Variants in MTR observed in about 807,000 individuals in gnomAD.
MTR encodes 5-methyltetrahydrofolate-homocysteine methyltransferase.
Under a neutral mutation model 154.8 loss-of-function variants are expected in MTR, and 84 were observed. That is an observed-to-expected ratio of 0.54 (90% CI 0.45 to 0.65). MTR has a LOEUF of 0.65. MTR is among the 30% of genes least tolerant of loss of function. The pLI is 0.00. For missense variants in MTR, 1,275 were observed against 1,570.2 expected, an observed-to-expected ratio of 0.81 and a Z score of 3.18; for synonymous variants, 554 against 553.9, an observed-to-expected ratio of 1.00 and a Z score of 0.00.
At position 236,886,285 on chromosome 1, in the gene MTR, T is replaced by G; in HGVS notation, c.2776-7T>G. The G allele has an allele frequency of 6.2e-7, 1 of 1,613,664 alleles. No homozygotes were observed. The highest frequency in any genetic ancestry group is 8.5e-7 in the Non-Finnish European group (1 of 1,179,830). ...TGTCTAACTAATTTTTCTTTGTTTT[T>G]TAACAGGAGAGGAGATACTTACCCT... On this transcript the variant is annotated splice_polypyrimidine_tract_variant and splice_region_variant and intron_variant, in intron 26 of 32. Transcript: ENST00000366577.
intron 14 of MTR, among the ~76,000 whole-genome samples, chr1:236,836,425 T>G (rs1259571582): frequency 6.6e-6 from 1 of 151,898 alleles, no homozygotes; most frequent in African/African-American, 2.4e-5. Context: ...AGTAGAGAGG[T>G]CGGGTCTTGC....
At position 236,896,922 on chromosome 1, in the gene MTR, A is replaced by G. The variant is rs1666656324; in HGVS notation, c.3599-84A>G. 1.3e-5 allele frequency: 13 copies of G among 968,004 alleles called. No homozygotes were observed. In the South Asian group the frequency reaches 1.5e-4, roughly 11 times the overall value. 60.0% of individuals were successfully genotyped at this position (968,004 alleles called of 1,614,324 possible). A position where few individuals can be genotyped will look rare whatever the true frequency, so the allele number is the denominator to read the frequency against. ...GCTCGCTTTGGTTCACTTGTTCAACAAGAGTTCATTGAGTGCCTGCTAGCT... is the reference window on the plus strand; with the variant it reads ...GCTCGCTTTGGTTCACTTGTTCAACGAGAGTTCATTGAGTGCCTGCTAGCT... On this transcript the variant is annotated intron_variant, in intron 31 of 32. Transcript: ENST00000366577.
chr1:236,803,375 C>T (rs945815102), intron 1 of MTR, 53 bp from the exon 2 acceptor site: 2 of 1,545,906 alleles, frequency 1.3e-6, no homozygotes, highest in Admixed American at 1.7e-5. Context: ...TCCTCCCTCA[C>T]ACATCTTTTT....
intron 11 of MTR, 48 bp from the exon 12 acceptor site, chr1:236,829,141 A>G: frequency 7.2e-7 from 1 of 1,386,986 alleles, no homozygotes; most frequent in South Asian, 1.2e-5. Flanking sequence ...TTCATTAAAT[A>G]TATTTTATTC....
At chr1:236,844,457 T>A (rs57190543) in intron 15 of MTR, among the ~76,000 whole-genome samples, 14 of 532 alleles carry the variant, frequency 0.026, no homozygotes, top group East Asian at 0.056. Context: ...AAAGGGCGTG[T>A]GTGTGTGTGT....
chr1:236,842,099 G>C (rs909052644), intron 15 of MTR, among the ~76,000 whole-genome samples: 8 of 152,144 alleles, frequency 5.3e-5, no homozygotes, highest in Admixed American at 3.9e-4. Context: ...CACCGTGTCA[G>C]CCAGGATGGT....
chr1:236,855,783 C>T (rs145785488), intron 18 of MTR, among the ~76,000 whole-genome samples: 1 of 152,308 alleles, frequency 6.6e-6, no homozygotes, highest in Non-Finnish European at 1.5e-5. Context: ...GGTCAGTTTG[C>T]TTGGTAGCTT....
chr1:236,881,426 C>T (rs770912621), intron 25 of MTR, among the ~76,000 whole-genome samples: 2 of 152,112 alleles, frequency 1.3e-5, no homozygotes, highest in Non-Finnish European at 2.9e-5. Flanking sequence ...ACCCGAGAGG[C>T]AGTGTGGTCC....
chr1:236,897,310 G>GCGCGCGCGCACGCGCGCGCA, intron 32 of MTR, among the ~76,000 whole-genome samples, 192 bp downstream of exon 32: 107 of 128,678 alleles, frequency 8.3e-4, no homozygotes, highest in African/African-American at 2.8e-3. Flanking sequence ...CCACACACAC[G>GCGCGCGCGCACGCGCGCGCA]CACACACACA....
chr1:236,835,527 C>G lies in MTR; in HGVS notation c.1189-20C>G, dbSNP rs754253237. 4.3e-6 allele frequency: 7 copies of G among 1,612,544 alleles called. No individual in the cohort carries two copies. Among genetic ancestry groups the G allele is most frequent in the Non-Finnish European group, 5.9e-6 (7 of 1,179,744 alleles). On this transcript the variant is annotated intron_variant, in intron 13 of 32. Coordinates refer to ENST00000366577, the MANE Select transcript of MTR (RefSeq NM_000254.3). Reference sequence around the variant, plus strand: ...AGTAACTGTCTCCTAATGCTGCTTCCTCTCTCATTCTTCCTTCAGGAAGCC... The same window carrying G: ...AGTAACTGTCTCCTAATGCTGCTTCGTCTCTCATTCTTCCTTCAGGAAGCC...
At chr1:236,868,762 G>A (rs1664957939) in intron 22 of MTR, among the ~76,000 whole-genome samples, 1 of 152,176 alleles carries the variant, frequency 6.6e-6, no homozygotes, top group African/African-American at 2.4e-5. Context: ...ACGTAAAAGA[G>A]CAGTATATGG....
At chr1:236,884,099 A>C (rs1312307353) in intron 25 of MTR, among the ~76,000 whole-genome samples, 1 of 152,238 alleles carries the variant, frequency 6.6e-6, no homozygotes, top group Non-Finnish European at 1.5e-5. Flanking sequence ...CAATTTAATG[A>C]GTAGACTTCA....
intron 15 of MTR, among the ~76,000 whole-genome samples, chr1:236,839,146 A>C (rs1233696884): frequency 6.6e-6 from 1 of 152,246 alleles, no homozygotes; most frequent in Non-Finnish European, 1.5e-5. Flanking sequence ...AAGTCTTTGC[A>C]TTCATGGAGA....
chr1:236,832,775 C>T (rs936509877), intron 13 of MTR, among the ~76,000 whole-genome samples: 14 of 152,266 alleles, frequency 9.2e-5, no homozygotes, highest in African/African-American at 3.4e-4. Context: ...AAACCAGTAC[C>T]AGAGCTGATT....
At chr1:236,844,085 A>G (rs1203193854) in intron 15 of MTR, among the ~76,000 whole-genome samples, 1 of 152,200 alleles carries the variant, frequency 6.6e-6, no homozygotes, top group Non-Finnish European at 1.5e-5. Flanking sequence ...ACTGGGGAGA[A>G]GAGGAAACAC....
intron 18 of MTR, among the ~76,000 whole-genome samples, chr1:236,858,726 T>G (rs917845134): frequency 6.6e-6 from 1 of 152,130 alleles, no homozygotes; most frequent in Non-Finnish European, 1.5e-5. Flanking sequence ...ATGAGGTGAT[T>G]GATTGAATTT....
intron 6 of MTR, among the ~76,000 whole-genome samples, chr1:236,815,240 A>C (rs771042480): frequency 6.6e-6 from 1 of 152,216 alleles, no homozygotes; most frequent in African/African-American, 2.4e-5. Flanking sequence ...TCACAGCTCA[A>C]CTGCAACCTT....
At chr1:236,843,647 G>C (rs760195638) in intron 15 of MTR, among the ~76,000 whole-genome samples, 5 of 152,182 alleles carry the variant, frequency 3.3e-5, no homozygotes, top group Middle Eastern at 3.2e-3. Context: ...TTAGGGCCAT[G>C]GTGAAAGCAA....
At chr1:236,897,258 C>G (rs1312131165) in intron 32 of MTR, 140 bp downstream of exon 32, 1 of 734,924 alleles carries the variant, frequency 1.4e-6, no homozygotes, top group Non-Finnish European at 2.4e-6. Context: ...AATTTGATTT[C>G]AATAGAATAC....
Sources: allele counts gnomAD v4.1 joint callset (sites outside exome capture counted in the v4.1 genomes callset), GRCh38; gene constraint gnomAD v4.1.1; transcripts MANE v1.5; gene names NCBI Gene and HGNC (gene_info 2026-07-23, HGNC 2026-07-21).